TENM3: variants seen among roughly 807,000 people sequenced by gnomAD.
TENM3 encodes teneurin transmembrane protein 3.
TENM3 carries 63 observed loss-of-function variants against 255.1 expected under a neutral mutation model. That is an observed-to-expected ratio of 0.25 (90% confidence interval 0.20 to 0.30). The LOEUF is 0.30. TENM3 is among the 10% of genes least tolerant of loss of function. The pLI is 1.00. For synonymous variants in TENM3, 1,306 were observed against 1,322.3 expected, an observed-to-expected ratio of 0.99 and a Z score of 0.27; for missense variants, 2,929 against 3,461.1, an observed-to-expected ratio of 0.85 and a Z score of 3.86.
the TENM3 span, among the ~76,000 whole-genome samples, chr4:182,092,416 G>T: frequency 6.6e-6 from 1 of 152,236 alleles, no homozygotes; most frequent in African/African-American, 2.4e-5. Context: ...GGGAGGCCAA[G>T]GTGGGGGGAT....
chr4:181,984,585 T>G, the TENM3 span, among the ~76,000 whole-genome samples: 1 of 151,974 alleles, frequency 6.6e-6, no homozygotes. Flanking sequence ...AAAAAAAGCC[T>G]TTTGCAAAGG....
chr4:182,098,243 A>G, the TENM3 span, among the ~76,000 whole-genome samples: 1 of 152,214 alleles, frequency 6.6e-6, no homozygotes, highest in African/African-American at 2.4e-5. Flanking sequence ...TGGGAATGTA[A>G]ATTAATACAG....
At chr4:182,242,947 C>G (rs1249621181), upstream of TENM3, among the ~76,000 whole-genome samples, 1 of 152,088 alleles carries the variant, frequency 6.6e-6, no homozygotes. Flanking sequence ...GAGAGGTAAG[C>G]AAGATAATCA....
intron 3 of TENM3, among the ~76,000 whole-genome samples, chr4:182,431,854 A>T (rs1362633649): frequency 6.6e-6 from 1 of 152,052 alleles, no homozygotes; most frequent in African/African-American, 2.4e-5. Flanking sequence ...AGGCAGGCAG[A>T]TCACCTGAGG....
chr4:181,860,433 A>G, the TENM3 span, among the ~76,000 whole-genome samples: 9 of 152,344 alleles, frequency 5.9e-5, no homozygotes, highest in Non-Finnish European at 1.2e-4. Context: ...CAAGTGTTAC[A>G]TGACTGTATC....
At chr4:182,589,724 G>A (rs1397226298) in intron 3 of TENM3, among the ~76,000 whole-genome samples, 5 of 152,078 alleles carry the variant, frequency 3.3e-5, no homozygotes, top group African/African-American at 7.2e-5. Flanking sequence ...TGTAATCCCA[G>A]CACTTTGGGA....
At chr4:181,453,701 G>A in the TENM3 span, among the ~76,000 whole-genome samples, 3 of 152,114 alleles carry the variant, frequency 2.0e-5, no homozygotes, top group African/African-American at 4.8e-5. Flanking sequence ...CATAAATAGC[G>A]CTGTTCTATC....
At chr4:182,123,931 G>A in the TENM3 span, among the ~76,000 whole-genome samples, 3 of 152,188 alleles carry the variant, frequency 2.0e-5, no homozygotes, top group African/African-American at 7.2e-5. Flanking sequence ...GGTTTTGTCT[G>A]GAATAACTTG....
intron 1 of TENM3, among the ~76,000 whole-genome samples, chr4:182,263,617 C>T (rs116379195): frequency 6.6e-6 from 1 of 152,098 alleles, no homozygotes; most frequent in African/African-American, 2.4e-5. Flanking sequence ...CACGACAGCA[C>T]CCTCAGCCGC....
At chr4:181,604,071 TG>T in the TENM3 span, among the ~76,000 whole-genome samples, 3 of 152,132 alleles carry the variant, frequency 2.0e-5, no homozygotes, top group Non-Finnish European at 4.4e-5. Context: ...GAGACCATCC[TG>T]GTTAACACGG....
Position 182,754,691 on chromosome 4 carries a change from G to T in TENM3, c.4324G>T (p.Ala1442Ser). ...VTTDGEISLV[A>S]GIPSECDCKN... The stretch of plus-strand genomic sequence containing the variant: ...AACAGATGGAGAAATCTCCTTAGTG[G>T]CCGGAATACCTTCAGAGTGTGACTG... The change falls in exon 22 of 28, where the codon GCC (alanine) becomes TCC (serine). Residue 1442 changes from alanine to serine, a missense_variant. Physicochemically the swap from Ala to Ser is moderately conservative, Grantham distance 99 (BLOSUM62 1). Transcript: ENST00000511685. The surrounding 1 kb of genome is among the most constrained non-coding windows in gnomAD (Gnocchi z 5.1). 1 of 1,614,036 alleles carries T rather than the reference G, an allele frequency of 6.2e-7. No individual in the cohort carries two copies. Among genetic ancestry groups the T allele is most frequent in the Non-Finnish European group, 8.5e-7 (1 of 1,179,906 alleles).
chr4:182,338,328 G>T (rs1359165021), intron 2 of TENM3, among the ~76,000 whole-genome samples: 1 of 152,102 alleles, frequency 6.6e-6, no homozygotes, highest in African/African-American at 2.4e-5. Flanking sequence ...AAGGCATTTT[G>T]CCCATTAAGA....
chr4:181,477,823 G>A, the TENM3 span, among the ~76,000 whole-genome samples: 1 of 152,062 alleles, frequency 6.6e-6, no homozygotes, highest in Middle Eastern at 3.2e-3. Context: ...TATACATTCT[G>A]AATCACGTGA....
chr4:181,707,739 A>G, the TENM3 span, among the ~76,000 whole-genome samples: 1 of 152,208 alleles, frequency 6.6e-6, no homozygotes, highest in Non-Finnish European at 1.5e-5. Flanking sequence ...ATACTATACT[A>G]TGTGCCTGTT....
chr4:182,393,023 C>A lies in TENM3; in HGVS notation c.511+46094C>A, dbSNP rs956795506. Among the ~76,000 whole-genome samples the A allele has an allele frequency of 3.9e-5, 6 of 152,158 alleles. No individual in the cohort carries two copies. The East Asian group carries it at 7.7e-4, about 20-fold the overall frequency. On this transcript the variant is annotated intron_variant, in intron 3 of 27. Coordinates refer to ENST00000511685, the MANE Select transcript of TENM3 (RefSeq NM_001080477.4). ...TGGAGAAAGAAAGTAAAGAAAATGT[C>A]GGTTTGTCTTTGAGGGATAAAAGAT...
At chr4:182,120,652 T>C in the TENM3 span, among the ~76,000 whole-genome samples, 1 of 152,254 alleles carries the variant, frequency 6.6e-6, no homozygotes, top group South Asian at 2.1e-4. Context: ...AAAAAGGTAG[T>C]CAAATGAAAC....
the TENM3 span, among the ~76,000 whole-genome samples, chr4:181,932,889 T>A: frequency 5.2e-4 from 79 of 152,212 alleles, no homozygotes; most frequent in African/African-American, 1.9e-3. Context: ...CTGGAAACCA[T>A]CATTCTCAAG....
chr4:181,947,882 T>G, the TENM3 span, among the ~76,000 whole-genome samples: 8 of 152,280 alleles, frequency 5.3e-5, no homozygotes, highest in Admixed American at 2.6e-4. Context: ...AACTGATGGA[T>G]TTATCTGATA....
At chr4:182,307,358 TAG>T (rs1762195144) in intron 1 of TENM3, among the ~76,000 whole-genome samples, 1 of 152,090 alleles carries the variant, frequency 6.6e-6, no homozygotes, top group Non-Finnish European at 1.5e-5. Context: ...AGTTAGAAAG[TAG>T]AGAGACCAAA....
Sources: allele counts gnomAD v4.1 joint callset (sites outside exome capture counted in the v4.1 genomes callset), GRCh38; gene constraint gnomAD v4.1.1; non-coding constraint Gnocchi (gnomAD v3.1); transcripts MANE v1.5; gene names NCBI Gene and HGNC (gene_info 2026-07-23, HGNC 2026-07-21).